MARCHF1: variants seen among roughly 807,000 people sequenced by gnomAD.
MARCHF1 encodes the protein membrane associated ring-CH-type finger 1.
Under a neutral mutation model 54.2 loss-of-function variants are expected in MARCHF1, and 40 were observed. That is an observed-to-expected ratio of 0.74 (90% CI 0.57 to 0.96). The LOEUF is 0.96. Among genes scored for constraint, MARCHF1 ranks in the 40% least tolerant of loss-of-function variants. The pLI, the probability that MARCHF1 is intolerant of heterozygous loss-of-function variation, is 0.00. For synonymous variants in MARCHF1, 236 were observed against 236.3 expected (o/e 1.00, Z 0.01); for missense variants, 586 against 656.5 (o/e 0.89, Z 1.17).
At chr4:163,638,773 C>T (rs1303900514) in intron 5 of MARCHF1, among the ~76,000 whole-genome samples, 1 of 151,942 alleles carries the variant, frequency 6.6e-6, no homozygotes, top group Non-Finnish European at 1.5e-5. Flanking sequence ...CATTGTCCAT[C>T]GATGGATGAA....
chr4:163,926,403 T>C (rs1200775206), intron 3 of MARCHF1, among the ~76,000 whole-genome samples: 1 of 151,466 alleles, frequency 6.6e-6, no homozygotes, highest in East Asian at 1.9e-4. Context: ...GACATTTGGA[T>C]TTTTTTTCAG....
chr4:163,814,943 G>A (rs1432584119), intron 4 of MARCHF1, among the ~76,000 whole-genome samples: 1 of 151,986 alleles, frequency 6.6e-6, no homozygotes, highest in African/African-American at 2.4e-5. Context: ...TACAGTTAAC[G>A]TGTATAAGCT....
chr4:163,676,232 C>G (rs1810186), intron 5 of MARCHF1, among the ~76,000 whole-genome samples: 49,139 of 148,994 alleles, frequency 0.33, 9,196 homozygotes, highest in Non-Finnish European at 0.44. Flanking sequence ...TGGCAGGCAC[C>G]TGTAATCCCA....
At chr4:163,586,601 TGTC>T (rs1019410943) in intron 7 of MARCHF1, among the ~76,000 whole-genome samples, 4 of 152,214 alleles carry the variant, frequency 2.6e-5, no homozygotes, top group African/African-American at 9.7e-5. Context: ...AACAATGCAC[TGTC>T]ATTTAATTCA....
intron 4 of MARCHF1, among the ~76,000 whole-genome samples, chr4:163,816,776 C>A (rs1251256573): frequency 1.3e-5 from 2 of 152,070 alleles, no homozygotes; most frequent in African/African-American, 4.8e-5. Flanking sequence ...TCAGTGATCA[C>A]ACTGCACTAC....
At chr4:163,676,109 G>A (rs145196877) in intron 5 of MARCHF1, among the ~76,000 whole-genome samples, 2,100 of 150,120 alleles carry the variant, frequency 0.014, 16 homozygotes, top group Non-Finnish European at 0.023. Context: ...TTGGGAGGCC[G>A]AGGTGGGTGG....
intron 4 of MARCHF1, among the ~76,000 whole-genome samples, chr4:163,717,066 TA>T (rs1745284288): frequency 6.6e-6 from 1 of 151,960 alleles, no homozygotes; most frequent in South Asian, 2.1e-4. Context: ...TACATATGTA[TA>T]CATGTGCCAT....
In MARCHF1 at chr4:163,771,874, C is replaced by G. The variant is rs577109849; in HGVS notation, c.112-71011G>C. 1.7e-4 allele frequency among the ~76,000 whole-genome samples: 26 copies of G among 152,290 alleles called. No individual in the cohort carries two copies. In the South Asian group the frequency reaches 4.8e-3, roughly 28 times the overall value. ...CACGAAACAAAGTACTCAGATACTT[C>G]AATCAAAGTTAAGTCATTACCAATT... is the stretch of plus-strand genomic sequence containing the variant. On this transcript the variant is annotated intron_variant, in intron 4 of 9. Transcript: ENST00000514618.
At chr4:163,840,587 C>G (rs1749309118) in intron 4 of MARCHF1, among the ~76,000 whole-genome samples, 1 of 152,002 alleles carries the variant, frequency 6.6e-6, no homozygotes. Context: ...TATGATCTCA[C>G]TTACATATGG....
At chr4:163,647,100 G>A (rs979201389) in intron 5 of MARCHF1, among the ~76,000 whole-genome samples, 1 of 152,018 alleles carries the variant, frequency 6.6e-6, no homozygotes, top group Non-Finnish European at 1.5e-5. Context: ...GAAGACGTCA[G>A]GGGTAGCTTT....
chr4:163,650,459 G>C (rs1742924713), intron 5 of MARCHF1, among the ~76,000 whole-genome samples: 1 of 151,834 alleles, frequency 6.6e-6, no homozygotes, highest in Non-Finnish European at 1.5e-5. Flanking sequence ...GAAAGTTACT[G>C]AATTTTAATG....
At chr4:163,576,121 G>T (rs1006235044) in intron 8 of MARCHF1, among the ~76,000 whole-genome samples, 1 of 151,960 alleles carries the variant, frequency 6.6e-6, no homozygotes, top group African/African-American at 2.4e-5. Context: ...GTTTCTGTAG[G>T]TGTGATGTTA....
intron 3 of MARCHF1, among the ~76,000 whole-genome samples, chr4:163,928,124 G>C (rs1282424978): frequency 1.3e-5 from 2 of 151,750 alleles, no homozygotes; most frequent in African/African-American, 4.8e-5. Flanking sequence ...ATTCTTTCAT[G>C]TAATTCTCTA....
chr4:163,722,425 C>T (rs1251126702), intron 4 of MARCHF1, among the ~76,000 whole-genome samples: 66 of 152,184 alleles, frequency 4.3e-4, no homozygotes, highest in African/African-American at 1.5e-3. Flanking sequence ...TCTTTTACAT[C>T]TGCTGAGGAG....
chr4:164,260,629 G>T (rs1284884568), intron 1 of MARCHF1, among the ~76,000 whole-genome samples: 1 of 152,136 alleles, frequency 6.6e-6, no homozygotes, highest in Non-Finnish European at 1.5e-5. Flanking sequence ...ACTATTTTCT[G>T]TCATTCCAAC....
At chr4:163,980,857 A>C (rs1269624537) in intron 3 of MARCHF1, among the ~76,000 whole-genome samples, 1 of 152,208 alleles carries the variant, frequency 6.6e-6, no homozygotes, top group Non-Finnish European at 1.5e-5. Flanking sequence ...TTGATAATTA[A>C]TTTTGAATAA....
At chr4:164,133,728 G>A (rs1228952404) in intron 1 of MARCHF1, among the ~76,000 whole-genome samples, 1 of 152,144 alleles carries the variant, frequency 6.6e-6, no homozygotes, top group Non-Finnish European at 1.5e-5. Context: ...TTAAAATTTG[G>A]TATGTGTTAG....
chr4:164,252,042 A>G (rs1467528562), intron 1 of MARCHF1, among the ~76,000 whole-genome samples: 1 of 152,178 alleles, frequency 6.6e-6, no homozygotes, highest in Non-Finnish European at 1.5e-5. Flanking sequence ...TAATATTACT[A>G]AACTAAAATG....
intron 3 of MARCHF1, among the ~76,000 whole-genome samples, chr4:163,937,546 C>G (rs1751825558): frequency 6.6e-6 from 1 of 151,744 alleles, no homozygotes; most frequent in South Asian, 2.1e-4. Context: ...CATGCATGCA[C>G]ACATACACAC....
Sources: gnomAD v4.1 joint callset for allele counts (sites outside exome capture counted in the v4.1 genomes callset) on GRCh38, gnomAD v4.1.1 for gene constraint, MANE v1.5 for transcripts, NCBI Gene and HGNC (gene_info 2026-07-23, HGNC 2026-07-21) for gene names.